ENTPD1: variants seen among roughly 807,000 people sequenced by gnomAD.
ENTPD1 encodes the protein ATP diphosphohydrolase.
A neutral mutation model predicts 57.0 loss-of-function variants in ENTPD1; 33 were observed. The ratio of observed to expected loss-of-function variants is 0.58; its 90% confidence interval spans 0.44 to 0.77. The LOEUF is 0.77. Ranked by LOEUF, ENTPD1 falls within the 30% of genes least tolerant of loss-of-function variation. The probability of loss-of-function intolerance (pLI) is 0.00; values close to 1 mark genes in which losing one functional copy is unlikely to be tolerated. For synonymous variants in ENTPD1, 202 were observed against 218.8 expected, an observed-to-expected ratio of 0.92 and a Z score of 0.68; for missense variants, 501 against 603.4, an observed-to-expected ratio of 0.83 and a Z score of 1.78.
chr10:95,825,528 A>G (rs183753517), intron 2 of ENTPD1, among the ~76,000 whole-genome samples: 63 of 152,206 alleles, frequency 4.1e-4, no homozygotes, highest in African/African-American at 1.4e-3. Flanking sequence ...ATTTGTACTG[A>G]TACATGTTTT....
chr10:95,792,143 A>C (rs2098207021), intron 1 of ENTPD1, among the ~76,000 whole-genome samples: 1 of 152,054 alleles, frequency 6.6e-6, no homozygotes, highest in African/African-American at 2.4e-5. Flanking sequence ...AGAAGATGGG[A>C]GTGTCCATCA....
At chr10:95,751,154 G>A (rs1239423918), upstream of ENTPD1, among the ~76,000 whole-genome samples, 2 of 152,144 alleles carry the variant, frequency 1.3e-5, no homozygotes, top group South Asian at 2.1e-4. Flanking sequence ...TTACATATTC[G>A]ATGACAGGAA....
chr10:95,759,584 G>T (rs1385835500), intron 1 of ENTPD1, among the ~76,000 whole-genome samples: 1 of 152,186 alleles, frequency 6.6e-6, no homozygotes, highest in African/African-American at 2.4e-5. Context: ...GTACGCTATG[G>T]TTTTTTCCAG....
At chr10:95,864,960 G>C (rs1001456009) in intron 9 of ENTPD1, 99 bp downstream of exon 9, 2 of 1,390,860 alleles carry the variant, frequency 1.4e-6, no homozygotes, top group Non-Finnish European at 2.0e-6. Context: ...GCATGGTGTA[G>C]CTTTGGCTTG....
the ENTPD1 span, among the ~76,000 whole-genome samples, chr10:95,706,184 C>A: frequency 2.0e-5 from 3 of 152,080 alleles, no homozygotes; most frequent in Non-Finnish European, 4.4e-5. Context: ...ATATAAAATT[C>A]AAAAAATAGG....
chr10:95,870,612 T>C lies in ENTPD1; in HGVS notation c.*4229T>C, dbSNP rs2098479327. The C allele has an allele frequency of 4.1e-6, 4 of 985,314 alleles. No homozygotes were observed. The South Asian group carries it at 1.9e-4, about 46-fold the overall frequency. 61.0% of individuals were successfully genotyped at this position (985,314 alleles called of 1,614,324 possible). A position where few individuals can be genotyped will look rare whatever the true frequency, so the allele number is the denominator to read the frequency against. On this transcript the variant is annotated 3_prime_UTR_variant, in exon 10 of 10. Coordinates refer to ENST00000371205, the MANE Select transcript of ENTPD1 (RefSeq NM_001776.6). Reference sequence around the variant, plus strand: ...TATTTTAATAGCTCACAGAACAAAGTTTGCCACATAATGATAAAATTACTA... The same window carrying C: ...TATTTTAATAGCTCACAGAACAAAGCTTGCCACATAATGATAAAATTACTA...
chr10:95,788,521 G>T (rs563281545), intron 1 of ENTPD1, among the ~76,000 whole-genome samples: 1 of 152,144 alleles, frequency 6.6e-6, no homozygotes, highest in African/African-American at 2.4e-5. Flanking sequence ...GGAGGCTGAG[G>T]CAGGAGAATC....
chr10:95,847,848 C>T (rs2098438379), intron 7 of ENTPD1, 142 bp downstream of exon 7: 4 of 1,192,166 alleles, frequency 3.4e-6, no homozygotes, highest in Non-Finnish European at 4.8e-6. Flanking sequence ...TTCTTCAGCT[C>T]AACTATGTCA....
At chr10:95,731,792 T>TTTTTTTTTTTTTTTTTTC (rs2097989515) in intron 1 of ENTPD1, among the ~76,000 whole-genome samples, 1 of 138,524 alleles carries the variant, frequency 7.2e-6, no homozygotes, top group African/African-American at 2.7e-5. Context: ...TTTTTTTTTT[T>TTTTTTTTTTTTTTTTTTC]TTTTTTTTTT....
chr10:95,823,642 T>A (rs569280875), intron 2 of ENTPD1, among the ~76,000 whole-genome samples: 1 of 152,368 alleles, frequency 6.6e-6, no homozygotes, highest in South Asian at 2.1e-4. Flanking sequence ...AATGCTTTAT[T>A]CACCTTATCC....
At chr10:95,703,636 G>T in the ENTPD1 span, among the ~76,000 whole-genome samples, 2 of 151,836 alleles carry the variant, frequency 1.3e-5, no homozygotes. Context: ...ACAAAAATTA[G>T]CCAGGCGTGG....
At chr10:95,768,316 G>A (rs1355234868) in intron 1 of ENTPD1, among the ~76,000 whole-genome samples, 1 of 152,154 alleles carries the variant, frequency 6.6e-6, no homozygotes, top group Non-Finnish European at 1.5e-5. Flanking sequence ...TTATTTAGGA[G>A]CAAGAAAGAT....
At position 95,844,651 on chromosome 10, in the gene ENTPD1, C is replaced by T; in HGVS notation, c.573+16C>T. On this transcript the variant is annotated intron_variant, in intron 5 of 9. Coordinates refer to ENST00000371205, the MANE Select transcript of ENTPD1 (RefSeq NM_001776.6). Reference sequence around the variant, plus strand: ...ATTCAGTCAGGTGAATATCTCACAGCATCCATGGAGGTGGCTCTCTGGAGG... The same window carrying T: ...ATTCAGTCAGGTGAATATCTCACAGTATCCATGGAGGTGGCTCTCTGGAGG... The T allele has an allele frequency of 1.2e-6, 2 of 1,613,966 alleles. No individual in the cohort carries two copies. The highest frequency in any genetic ancestry group is 2.2e-5 in the South Asian group (2 of 91,070).
intron 9 of ENTPD1, 142 bp downstream of exon 9, chr10:95,865,003 G>A: frequency 9.7e-7 from 1 of 1,031,666 alleles, no homozygotes; most frequent in Non-Finnish European, 1.4e-6. Context: ...TTCAAACCCT[G>A]GCATTCTGTG....
At chr10:95,730,769 G>A (rs2097988313) in intron 1 of ENTPD1, among the ~76,000 whole-genome samples, 1 of 152,206 alleles carries the variant, frequency 6.6e-6, no homozygotes, top group Non-Finnish European at 1.5e-5. Flanking sequence ...CTTTTTAACA[G>A]TGTTGTGTTT....
intron 4 of ENTPD1, among the ~76,000 whole-genome samples, chr10:95,842,923 T>G (rs1305664833): frequency 2.6e-5 from 4 of 152,364 alleles, no homozygotes; most frequent in Admixed American, 2.0e-4. Flanking sequence ...TTTGTTCACT[T>G]GTTCATTCAT....
intron 1 of ENTPD1, among the ~76,000 whole-genome samples, chr10:95,808,107 A>T (rs969757902): frequency 6.6e-5 from 10 of 152,306 alleles, no homozygotes; most frequent in Non-Finnish European, 1.3e-4. Flanking sequence ...TACCTAATTT[A>T]CAGGGAGTTT....
chr10:95,847,440 A>G lies in ENTPD1; in HGVS notation c.814-6A>G, dbSNP rs549511254. The G allele has an allele frequency of 2.2e-5, 35 of 1,614,168 alleles. No homozygotes were observed. The East Asian group carries it at 4.0e-4, about 18-fold the overall frequency. On this transcript the variant is annotated splice_region_variant and splice_polypyrimidine_tract_variant and intron_variant, in intron 6 of 9. Transcript: ENST00000371205. ...CATGATGCTTTCAAGTGATTTTTCCATTCAGGTTGCAAGTAATGAAATTCT... is the reference window on the plus strand; with the variant it reads ...CATGATGCTTTCAAGTGATTTTTCCGTTCAGGTTGCAAGTAATGAAATTCT...
intron 4 of ENTPD1, 150 bp downstream of exon 4, chr10:95,842,644 AT>A: frequency 6.6e-6 from 6 of 912,512 alleles, no homozygotes; most frequent in Non-Finnish European, 8.1e-6. Flanking sequence ...TAGTAAGTGA[AT>A]AAAATGTTCA....
Sources: allele counts gnomAD v4.1 joint callset (sites outside exome capture counted in the v4.1 genomes callset), GRCh38; gene constraint gnomAD v4.1.1; transcripts MANE v1.5; gene names NCBI Gene and HGNC (gene_info 2026-07-23, HGNC 2026-07-21).